ATP13A4: variants seen among roughly 807,000 people sequenced by gnomAD.
ATP13A4 encodes the protein probable cation-transporting ATPase 13A4.
Under a neutral mutation model 142.5 loss-of-function variants are expected in ATP13A4, and 114 were observed. The ratio of observed to expected loss-of-function variants is 0.80; its 90% confidence interval spans 0.69 to 0.93. ATP13A4 has a LOEUF of 0.93. ATP13A4 is among the 40% of genes least tolerant of loss of function. ATP13A4 has a pLI of 0.00. For missense variants in ATP13A4, 1,392 were observed against 1,454.0 expected (o/e 0.96, Z 0.69); for synonymous variants, 488 against 514.8 (o/e 0.95, Z 0.70).
rs1182197015 is a variant in ATP13A4 at position 193,554,485 on chromosome 3, T to C, written c.60+255A>G. On this transcript the variant is annotated intron_variant, in intron 1 of 29. Transcript: ENST00000342695. ...ATGGTGCTTCTCTCCCTCTCTGTTT[T>C]CTTTAAAAAGAAAACATTCTTGACA... 7 of 559,496 alleles carry C rather than the reference T, an allele frequency of 1.3e-5. No individual in the cohort carries two copies. The East Asian group carries it at 2.3e-4, about 18-fold the overall frequency. 34.7% of individuals were successfully genotyped at this position (559,496 alleles called of 1,614,324 possible). A position where few individuals can be genotyped will look rare whatever the true frequency, so the allele number is the denominator to read the frequency against.
intron 1 of ATP13A4, chr3:193,581,984 G>A (rs1228604349): frequency 6.6e-6 from 1 of 151,832 alleles, no homozygotes; most frequent in Non-Finnish European, 1.5e-5. Flanking sequence ...CAGTGTGAAT[G>A]CTGACAATGG....
chr3:193,540,548 A>C (rs2108714620), intron 1 of ATP13A4, among the ~76,000 whole-genome samples: 1 of 151,530 alleles, frequency 6.6e-6, no homozygotes, highest in South Asian at 2.1e-4. Context: ...AAAAAAAAAA[A>C]AAAAAACCCT....
chr3:193,549,417 A>AATAT (rs10540639), intron 1 of ATP13A4, among the ~76,000 whole-genome samples: 156 of 147,944 alleles, frequency 1.1e-3, no homozygotes, highest in African/African-American at 3.2e-3. Context: ...ATAATTATCA[A>AATAT]ATATATATAT....
At chr3:193,537,316 C>A (rs1181638877) in intron 1 of ATP13A4, among the ~76,000 whole-genome samples, 8 of 152,002 alleles carry the variant, frequency 5.3e-5, no homozygotes, top group Admixed American at 5.2e-4. Flanking sequence ...AGATTTTTGA[C>A]ACATACGCAA....
intron 1 of ATP13A4, among the ~76,000 whole-genome samples, chr3:193,516,165 A>T (rs1270882931): frequency 3.3e-5 from 5 of 152,220 alleles, no homozygotes; most frequent in African/African-American, 1.2e-4. Flanking sequence ...TAGGATAACA[A>T]GGGAGTTGGA....
chr3:193,466,061 C>T lies in ATP13A4; in HGVS notation c.1236G>A (p.Gly412=). The stretch of plus-strand genomic sequence containing the variant: ...CATAGACACACAGAGTATAGATCAT[C>T]CCAATGGTGGCTGTTCCTACAAGGC... The part of the protein sequence containing the change: ...LLCLVGTATI[G]MIYTLCVYVL... The change falls in exon 11 of 30, where the codon GGG becomes GGA. Residue 412 remains glycine, a synonymous_variant. Transcript: ENST00000342695. 2 of 1,614,154 alleles carry T rather than the reference C, an allele frequency of 1.2e-6. No homozygotes were observed. Among genetic ancestry groups the T allele is most frequent in the Non-Finnish European group, 1.7e-6 (2 of 1,180,028 alleles).
intron 25 of ATP13A4, among the ~76,000 whole-genome samples, chr3:193,421,147 T>C (rs1006231465): frequency 6.7e-6 from 1 of 149,910 alleles, no homozygotes; most frequent in Non-Finnish European, 1.5e-5. Context: ...AGGACAAAGA[T>C]AGAATTTTAA....
chr3:193,509,700 T>C (rs1721041009), intron 2 of ATP13A4, among the ~76,000 whole-genome samples: 1 of 152,174 alleles, frequency 6.6e-6, no homozygotes, highest in Admixed American at 6.5e-5. Context: ...GACAGGCAAT[T>C]AACTCCCTCC....
At position 193,404,298 on chromosome 3, in the gene ATP13A4, C is replaced by G. The variant is rs555534681; in HGVS notation, c.3379-1434G>C. ...ACAGAGAGAGAAACTTTGGTGCTCT[C>G]CATCTCTACATCTTGCCTTCAGTGT... On this transcript the variant is annotated intron_variant, in intron 29 of 29. Coordinates refer to ENST00000342695, the MANE Select transcript of ATP13A4 (RefSeq NM_032279.4). 42 of 290,266 alleles carry G rather than the reference C, an allele frequency of 1.4e-4. No homozygotes were observed. In the South Asian group the frequency reaches 4.6e-3, roughly 32 times the overall value. The allele number at this position is 290,266 out of a possible 1,614,324, so 18.0% of individuals were successfully genotyped here.
At chr3:193,530,776 A>T (rs1722269933) in intron 1 of ATP13A4, among the ~76,000 whole-genome samples, 1 of 152,174 alleles carries the variant, frequency 6.6e-6, no homozygotes, top group Admixed American at 6.5e-5. Flanking sequence ...GCTAATGTCC[A>T]GGAACTTCAG....
intron 19 of ATP13A4, 123 bp from the exon 20 acceptor site, chr3:193,441,711 C>A (rs1001490393): frequency 1.7e-6 from 2 of 1,182,416 alleles, no homozygotes; most frequent in Non-Finnish European, 2.5e-6. Context: ...CACTCTGATT[C>A]CTCAGAGAAG....
rs552321915 is a variant in ATP13A4 at position 193,456,276 on chromosome 3, G to T, written c.1915+724C>A. Among the ~76,000 whole-genome samples the T allele has an allele frequency of 3.3e-5, 5 of 152,254 alleles. No individual in the cohort carries two copies. The East Asian group carries it at 9.6e-4, about 29-fold the overall frequency. On this transcript the variant is annotated intron_variant, in intron 16 of 29. Coordinates refer to ENST00000342695, the MANE Select transcript of ATP13A4 (RefSeq NM_032279.4). ...CAGCAGACTAACAATGCAATCAAAT[G>T]AGATCATTGCTATGATCCATGCCAC...
intron 12 of ATP13A4, 92 bp downstream of exon 12, chr3:193,464,848 A>G (rs1262115413): frequency 1.5e-5 from 21 of 1,362,044 alleles, no homozygotes; most frequent in Non-Finnish European, 2.2e-5. Flanking sequence ...CCCACATTCT[A>G]TGTCTCCTGC....
rs115241159 is a variant in ATP13A4 at position 193,409,440 on chromosome 3, T to C, written c.3297+1542A>G. 7.3e-3 allele frequency among the ~76,000 whole-genome samples: 1,109 copies of C among 152,304 alleles called. 12 individuals are homozygous for C. Among genetic ancestry groups the C allele is most frequent in the African/African-American group, 0.026 (1,060 of 41,568 alleles). On this transcript the variant is annotated intron_variant, in intron 28 of 29. Transcript: ENST00000342695. ...CATGCTGGCAATGACCCTACCCAGG[T>C]TCTCTCCAAATTAAATATGTTCCCT...
upstream of ATP13A4, among the ~76,000 whole-genome samples, chr3:193,559,118 G>A (rs545708632): frequency 1.3e-5 from 2 of 152,212 alleles, no homozygotes; most frequent in African/African-American, 4.8e-5. Context: ...TGGTAATAAT[G>A]TTTCATTATA....
chr3:193,451,703 A>G lies in ATP13A4; in HGVS notation c.2027+2398T>C, dbSNP rs145153206. 5.9e-3 allele frequency among the ~76,000 whole-genome samples: 902 copies of G among 152,302 alleles called. 10 individuals carry two copies. The highest frequency in any genetic ancestry group is 0.021 in the African/African-American group (872 of 41,570). Reference sequence around the variant, plus strand: ...ATTACATCTCATGTTCTTAAAATCCATGTGACTTTTAAAGGATGAAATATG... The same window carrying G: ...ATTACATCTCATGTTCTTAAAATCCGTGTGACTTTTAAAGGATGAAATATG... On this transcript the variant is annotated intron_variant, in intron 17 of 29. Coordinates refer to ENST00000342695, the MANE Select transcript of ATP13A4 (RefSeq NM_032279.4).
intron 7 of ATP13A4, among the ~76,000 whole-genome samples, chr3:193,488,823 A>T (rs1018734104): frequency 6.6e-6 from 1 of 152,122 alleles, no homozygotes; most frequent in Non-Finnish European, 1.5e-5. Context: ...AGAACTTGAG[A>T]ATGTTAAAAG....
chr3:193,488,922 A>T (rs1282997229), intron 7 of ATP13A4, among the ~76,000 whole-genome samples: 1 of 152,178 alleles, frequency 6.6e-6, no homozygotes, highest in Non-Finnish European at 1.5e-5. Flanking sequence ...TGGTCTCTCA[A>T]GCACTGGCGA....
Position 193,414,580 on chromosome 3 carries a change from T to A in ATP13A4, c.3013A>T (p.Ser1005Cys). ...CAGAAGCTGAGACTATACTCATACCTGTGTATCTCCACGGAATACCAAGGC... is the reference window on the plus strand; with the variant it reads ...CAGAAGCTGAGACTATACTCATACCAGTGTATCTCCACGGAATACCAAGGC... ...RQPWYSVEIH[S>C]ACTVQNESIS... The change falls in exon 26 of 30, where the codon AGT becomes TGT. Residue 1005 changes from serine to cysteine, a missense_variant and splice_region_variant. By Grantham distance (112) the Ser-to-Cys change is moderately radical. Transcript: ENST00000342695. 8 of 1,613,740 alleles carry A rather than the reference T, an allele frequency of 5.0e-6. No individual in the cohort carries two copies. The highest frequency in any genetic ancestry group is 6.8e-6 in the Non-Finnish European group (8 of 1,179,718).
Sources: gnomAD v4.1 joint callset for allele counts (sites outside exome capture counted in the v4.1 genomes callset) on GRCh38, gnomAD v4.1.1 for gene constraint, MANE v1.5 for transcripts, NCBI Gene and HGNC (gene_info 2026-07-23, HGNC 2026-07-21) for gene names.